The following ACOXL variants were observed in gnomAD, a reference collection of about 807,000 sequenced individuals.
The protein encoded by ACOXL is acyl-CoA oxidase like.
A neutral mutation model predicts 71.9 loss-of-function variants in ACOXL; 70 were observed. That is an observed-to-expected ratio of 0.97 (90% CI 0.80 to 1.19). ACOXL has a LOEUF of 1.19. Among genes scored for constraint, ACOXL ranks in the 50% most tolerant of loss-of-function variants. The pLI, the probability that ACOXL is intolerant of heterozygous loss-of-function variation, is 0.00. For synonymous variants in ACOXL, 253 were observed against 281.6 expected (o/e 0.90, Z 1.02); for missense variants, 703 against 736.3 (o/e 0.95, Z 0.52).
In ACOXL at chr2:110,766,835, T is replaced by C. The variant is rs1573409976; in HGVS notation, c.-22-1533T>C. ...CTAATGCTACCCTGGCACCACCTGC[T>C]TTTGCTGGGCAGGAGATAGAAGATC... On this transcript the variant is annotated intron_variant, in intron 1 of 17. Transcript: ENST00000439055. 3.3e-5 allele frequency among the ~76,000 whole-genome samples: 5 copies of C among 152,308 alleles called. No homozygotes were observed. In the South Asian group the frequency reaches 1.0e-3, roughly 32 times the overall value.
chr2:110,862,567 C>A (rs1161275294), intron 10 of ACOXL, among the ~76,000 whole-genome samples: 1 of 152,226 alleles, frequency 6.6e-6, no homozygotes, highest in Non-Finnish European at 1.5e-5. Context: ...TAGCTGCCTT[C>A]TGGGCTCTAG....
chr2:111,100,836 C>G (rs986223810), intron 17 of ACOXL: 2 of 152,668 alleles, frequency 1.3e-5, no homozygotes, highest in African/African-American at 4.8e-5. Flanking sequence ...GAGAGCTGCT[C>G]AGGAGCCCAG....
intron 1 of ACOXL, among the ~76,000 whole-genome samples, chr2:110,735,942 G>T (rs1036613041): frequency 6.6e-6 from 1 of 152,058 alleles, no homozygotes; most frequent in Non-Finnish European, 1.5e-5. Context: ...GGAGAACTGA[G>T]AAAGCCCCCC....
chr2:111,034,616 A>G (rs17041797), intron 15 of ACOXL, among the ~76,000 whole-genome samples: 1 of 152,344 alleles, frequency 6.6e-6, no homozygotes, highest in East Asian at 1.9e-4. Flanking sequence ...AATTAGTTCA[A>G]TGACAGCATT....
At chr2:110,890,616 G>A (rs969491826) in intron 10 of ACOXL, among the ~76,000 whole-genome samples, 1 of 152,098 alleles carries the variant, frequency 6.6e-6, no homozygotes, top group Admixed American at 6.5e-5. Context: ...AAAATCAATG[G>A]AAATAAATAT....
chr2:111,000,659 C>A (rs138135846), intron 14 of ACOXL, among the ~76,000 whole-genome samples: 11 of 152,314 alleles, frequency 7.2e-5, no homozygotes, highest in South Asian at 2.1e-4. Flanking sequence ...TTGCTACTGG[C>A]AATGCTTGAT....
intron 17 of ACOXL, among the ~76,000 whole-genome samples, chr2:111,094,787 C>T (rs573753367): frequency 6.6e-6 from 1 of 152,272 alleles, no homozygotes; most frequent in East Asian, 1.9e-4. Context: ...TGCTTCTGCT[C>T]AATGTGGTGT....
At chr2:110,773,454 G>A (rs1244164188) in intron 2 of ACOXL, among the ~76,000 whole-genome samples, 3 of 152,172 alleles carry the variant, frequency 2.0e-5, no homozygotes, top group African/African-American at 7.2e-5. Flanking sequence ...AGGCTGAGAT[G>A]TCTGTCCTGT....
chr2:110,886,812 G>C (rs1697353987), intron 10 of ACOXL: 6 of 1,550,896 alleles, frequency 3.9e-6, no homozygotes, highest in Admixed American at 2.0e-5. Context: ...CTGCTGTTCA[G>C]CTCCAGCTGG....
chr2:111,117,480 C>T (rs2070444051), intron 17 of ACOXL, 136 bp from the exon 18 acceptor site: 2 of 908,246 alleles, frequency 2.2e-6, no homozygotes, highest in African/African-American at 3.3e-5. Context: ...CCAACAGTTT[C>T]CACAGGAGAA....
chr2:110,766,274 T>G (rs1681053088), intron 1 of ACOXL, among the ~76,000 whole-genome samples: 1 of 152,232 alleles, frequency 6.6e-6, no homozygotes, highest in Non-Finnish European at 1.5e-5. Context: ...GTCCTAGACA[T>G]TTTGGATATT....
At chr2:110,784,862 G>C in intron 3 of ACOXL, 47 bp downstream of exon 3, 1 of 1,531,674 alleles carries the variant, frequency 6.5e-7, no homozygotes, top group Non-Finnish European at 8.8e-7. Flanking sequence ...TGCTCGCTTT[G>C]CATGCCAAGG....
At chr2:110,777,651 C>T (rs761779551) in intron 2 of ACOXL, among the ~76,000 whole-genome samples, 4 of 152,194 alleles carry the variant, frequency 2.6e-5, no homozygotes, top group Non-Finnish European at 5.9e-5. Context: ...TGTGCACTGT[C>T]TCGTGGGCCA....
chr2:110,802,569 T>TG (rs1334311290), intron 8 of ACOXL, among the ~76,000 whole-genome samples: 4 of 151,876 alleles, frequency 2.6e-5, no homozygotes, highest in Admixed American at 6.6e-5. Flanking sequence ...GAAAATTATA[T>TG]GGGAAAAAAC....
chr2:110,955,048 T>C (rs767205201), intron 12 of ACOXL, among the ~76,000 whole-genome samples: 1 of 152,228 alleles, frequency 6.6e-6, no homozygotes, highest in Admixed American at 6.5e-5. Flanking sequence ...TGTCATGACC[T>C]ATGGTTTCAC....
chr2:111,059,546 T>A (rs2066702686), intron 16 of ACOXL, among the ~76,000 whole-genome samples: 1 of 152,178 alleles, frequency 6.6e-6, no homozygotes, highest in Non-Finnish European at 1.5e-5. Context: ...GACATACTCA[T>A]CCCTATTCCT....
At chr2:111,080,119 C>A (rs1257811409) in intron 16 of ACOXL, among the ~76,000 whole-genome samples, 1 of 152,070 alleles carries the variant, frequency 6.6e-6, no homozygotes, top group Non-Finnish European at 1.5e-5. Context: ...CTCTTTTCTT[C>A]TTTATTAGTC....
rs190214138 is a variant in ACOXL, at chr2:111,086,725, G to C, written c.1441-6140G>C. ...CATGCTGAATGGGCAAAAGCTGGAA[G>C]CATTCCCCTTGAAAACCAGCACAAG... On this transcript the variant is annotated intron_variant, in intron 16 of 17. Coordinates refer to ENST00000439055, the MANE Select transcript of ACOXL (RefSeq NM_001142807.4). Among the ~76,000 whole-genome samples the C allele has an allele frequency of 1.7e-3, 260 of 152,272 alleles. 4 individuals carry two copies. In the East Asian group the frequency reaches 0.025, roughly 15 times the overall value.
Position 110,940,066 on chromosome 2 carries a change from C to T in ACOXL, c.1059+6424C>T, listed in dbSNP as rs79999403. On this transcript the variant is annotated intron_variant, in intron 12 of 17. Coordinates refer to ENST00000439055, the MANE Select transcript of ACOXL (RefSeq NM_001142807.4). ...CTTTCCTTTACAAATCTTTACAACC[C>T]AGTATTTACAAAGACACATGTATGA... Among the ~76,000 whole-genome samples the T allele has an allele frequency of 2.8e-3, 422 of 152,266 alleles. 2 individuals carry two copies. The highest frequency in any genetic ancestry group is 6.8e-3 in the Middle Eastern group (2 of 294).
Sources: gnomAD v4.1 joint callset for allele counts (sites outside exome capture counted in the v4.1 genomes callset) on GRCh38, gnomAD v4.1.1 for gene constraint, MANE v1.5 for transcripts, NCBI Gene and HGNC (gene_info 2026-07-23, HGNC 2026-07-21) for gene names.